The following CD34 variants were observed in gnomAD, a reference collection of about 807,000 sequenced individuals.
CD34 encodes the protein hematopoietic progenitor cell antigen CD34.
In CD34, 34 loss-of-function variants were observed where a neutral mutation model predicts 40.1. That is an observed-to-expected ratio of 0.85 (90% CI 0.65 to 1.13). The LOEUF (loss-of-function observed/expected upper bound fraction) is 1.13, where lower values mean the gene tolerates loss of function less well. CD34 is among the 50% of genes most tolerant of loss of function. The pLI, the probability that CD34 is intolerant of heterozygous loss-of-function variation, is 0.00. For missense variants in CD34, 426 were observed against 466.9 expected (o/e 0.91, Z 0.81); for synonymous variants, 209 against 190.0 (o/e 1.10, Z -0.82).
chr1:207,889,565 C>G lies in CD34; in HGVS notation c.654G>C (p.Glu218Asp), dbSNP rs1397796766. 2.2e-5 allele frequency: 35 copies of G among 1,614,082 alleles called. No homozygotes were observed. Among genetic ancestry groups the G allele is most frequent in the Non-Finnish European group, 3.0e-5 (35 of 1,180,038 alleles). The change falls in exon 5 of 8, where the codon GAG (glutamate) becomes GAC (aspartate). Residue 218 changes from glutamate to aspartate, a missense_variant. Coordinates refer to ENST00000310833, the MANE Select transcript of CD34 (RefSeq NM_001025109.2). ...EGLARVLCGE[E>D]QADADAGAQV... ...GGGCCCCAGCATCAGCATCAGCCTGCTCCTCCCCACACAGCACTCGGGCCA... is the reference window on the plus strand; with the variant it reads ...GGGCCCCAGCATCAGCATCAGCCTGGTCCTCCCCACACAGCACTCGGGCCA...
At position 207,886,351 on chromosome 1, in the gene CD34, G is replaced by A. The variant is rs988738705; in HGVS notation, c.*1387C>T. The A allele has an allele frequency of 1.3e-5, 2 of 152,150 alleles. No homozygotes were observed. Among genetic ancestry groups the A allele is most frequent in the East Asian group, 3.9e-4 (2 of 5,176 alleles). 9.4% of individuals were successfully genotyped at this position (152,150 alleles called of 1,614,324 possible). ...GAAATGGATGTTTCCTCTCCCCATG[G>A]AGGAGAATAGTTGGCAGACTTGGCT... On this transcript the variant is annotated 3_prime_UTR_variant, in exon 8 of 8. Coordinates refer to ENST00000310833, the MANE Select transcript of CD34 (RefSeq NM_001025109.2).
intron 1 of CD34, among the ~76,000 whole-genome samples, chr1:207,904,680 G>A (rs960827723): frequency 6.6e-6 from 1 of 152,120 alleles, no homozygotes; most frequent in African/African-American, 2.4e-5. Context: ...TTCTCAGTGG[G>A]CATGAGATAC....
At chr1:207,902,753 T>A (rs773967679) in intron 1 of CD34, among the ~76,000 whole-genome samples, 1 of 152,100 alleles carries the variant, frequency 6.6e-6, no homozygotes, top group African/African-American at 2.4e-5. Flanking sequence ...ACAAACACTT[T>A]TGAACTTTTC....
chr1:207,901,951 T>C (rs1662279854), intron 1 of CD34, among the ~76,000 whole-genome samples: 2 of 152,152 alleles, frequency 1.3e-5, no homozygotes, highest in South Asian at 4.1e-4. Flanking sequence ...AACAGCAAGG[T>C]AGAATGACAT....
intron 4 of CD34, among the ~76,000 whole-genome samples, chr1:207,891,326 T>A (rs1276024469): frequency 6.6e-6 from 1 of 152,040 alleles, no homozygotes; most frequent in East Asian, 1.9e-4. Flanking sequence ...GGGGTGGGGA[T>A]TGGGAGGTAT....
chr1:207,893,850 A>T (rs1662085054), intron 4 of CD34, among the ~76,000 whole-genome samples: 1 of 152,252 alleles, frequency 6.6e-6, no homozygotes, highest in Admixed American at 6.5e-5. Context: ...AGGGAAATGC[A>T]AATCAAAACC....
chr1:207,900,996 C>T (rs1462065901), intron 1 of CD34, among the ~76,000 whole-genome samples: 1 of 134,724 alleles, frequency 7.4e-6, no homozygotes. Context: ...GGGATACATA[C>T]TTTTTTTTTT....
At chr1:207,903,926 T>C (rs961452729) in intron 1 of CD34, among the ~76,000 whole-genome samples, 1 of 152,228 alleles carries the variant, frequency 6.6e-6, no homozygotes, top group African/African-American at 2.4e-5. Context: ...TAAGCATTAA[T>C]GATGTCACTG....
intron 1 of CD34, among the ~76,000 whole-genome samples, chr1:207,906,029 A>C (rs1662373611): frequency 6.6e-6 from 1 of 152,190 alleles, no homozygotes; most frequent in Admixed American, 6.5e-5. Flanking sequence ...TGATGTGCAA[A>C]GGATCTCGCT....
intron 1 of CD34, among the ~76,000 whole-genome samples, chr1:207,910,340 TA>T (rs1280551898): frequency 5.3e-5 from 8 of 152,340 alleles, no homozygotes; most frequent in Non-Finnish European, 1.2e-4. Context: ...TGTCTACTTC[TA>T]CCTCCTCCGC....
In CD34 at chr1:207,889,641, T is replaced by C. The variant is rs762789165; in HGVS notation, c.598-20A>G. On this transcript the variant is annotated intron_variant, in intron 4 of 7. Transcript: ENST00000310833. ...CTCCGCCTGGGAAGACAGAGAAACA[T>C]GGAGAGCAAGAGATGAAATTACTGC... 9 of 1,612,562 alleles carry C rather than the reference T, an allele frequency of 5.6e-6. No homozygotes were observed. In the Admixed American group the frequency reaches 1.2e-4, roughly 21 times the overall value.
chr1:207,899,613 C>T (rs1202557230), intron 2 of CD34, among the ~76,000 whole-genome samples: 1 of 152,074 alleles, frequency 6.6e-6, no homozygotes, highest in Non-Finnish European at 1.5e-5. Flanking sequence ...GGATCAGCTC[C>T]CAAGACATGG....
intron 6 of CD34, 106 bp from the exon 7 acceptor site, chr1:207,888,952 C>A: frequency 8.6e-7 from 1 of 1,160,704 alleles, no homozygotes. Flanking sequence ...TGCTTGAGGG[C>A]ATTGACCTCA....
chr1:207,891,798 A>C (rs1418634331), intron 4 of CD34, among the ~76,000 whole-genome samples: 4 of 151,256 alleles, frequency 2.6e-5, no homozygotes, highest in Non-Finnish European at 5.9e-5. Flanking sequence ...TTGTAGATGA[A>C]GAAATGGAGG....
Position 207,899,990 on chromosome 1 carries a change from C to G in CD34, c.93G>C (p.Met31Ile). 6.2e-7 allele frequency: 1 copy of G among 1,609,878 alleles called. No individual in the cohort carries two copies. The highest frequency in any genetic ancestry group is 1.1e-5 in the South Asian group (1 of 90,488). ...CLLSLLPSGF[M>I]SLDNNGTATP... Reference sequence around the variant, plus strand: ...TAGCAGTACCGTTGTTGTCAAGACTCATGAACCCAGAAGCTATAGGGAAAC... The same window carrying G: ...TAGCAGTACCGTTGTTGTCAAGACTGATGAACCCAGAAGCTATAGGGAAAC... The change falls in exon 2 of 8, where the codon ATG (methionine) becomes ATC (isoleucine). Residue 31 changes from methionine to isoleucine, a missense_variant. Transcript: ENST00000310833.
intron 1 of CD34, among the ~76,000 whole-genome samples, chr1:207,905,053 G>T (rs1662348670): frequency 6.6e-6 from 1 of 152,208 alleles, no homozygotes; most frequent in African/African-American, 2.4e-5. Context: ...TAGATGGGGG[G>T]TTGGCAAACT....
rs530523175 is a variant in CD34 at position 207,905,512 on chromosome 1, G to A, written c.79+5490C>T. ...TCAGAAACCATATATGGCCCCTAAA[G>A]CCTACAATATTTACTCTCTGGCCCT... is the stretch of plus-strand genomic sequence containing the variant. On this transcript the variant is annotated intron_variant, in intron 1 of 7. Transcript: ENST00000310833. Among the ~76,000 whole-genome samples the A allele has an allele frequency of 1.5e-3, 236 of 152,270 alleles. 6 individuals are homozygous for A. In the South Asian group the frequency reaches 0.047, roughly 30 times the overall value.
rs764820692 is a variant in CD34, at chr1:207,884,730, G to A, written c.*3008C>T. The A allele has an allele frequency of 6.6e-6, 1 of 152,170 alleles. No homozygotes were observed. Among genetic ancestry groups the A allele is most frequent in the Non-Finnish European group, 1.5e-5 (1 of 68,046 alleles). 9.4% of individuals were successfully genotyped at this position (152,170 alleles called of 1,614,324 possible). ...AGATATGCTCTCCATAGTCAACAGT[G>A]TAATACCCTACAGCTAATTTTCCTG... On this transcript the variant is annotated 3_prime_UTR_variant, in exon 8 of 8. Transcript: ENST00000310833.
chr1:207,892,094 T>C (rs1472165214), intron 4 of CD34, among the ~76,000 whole-genome samples: 1 of 152,170 alleles, frequency 6.6e-6, no homozygotes, highest in African/African-American at 2.4e-5. Context: ...ACCTTCTCCC[T>C]GGTATTCACT....
Sources: gnomAD v4.1 joint callset for allele counts (sites outside exome capture counted in the v4.1 genomes callset) on GRCh38, gnomAD v4.1.1 for gene constraint, MANE v1.5 for transcripts, NCBI Gene and HGNC (gene_info 2026-07-23, HGNC 2026-07-21) for gene names.